The following C1QL1 variants were observed in gnomAD, a reference collection of about 807,000 sequenced individuals.
The protein encoded by C1QL1 is C1q-related factor.
Under a neutral mutation model 14.2 loss-of-function variants are expected in C1QL1, and 15 were observed. That is an observed-to-expected ratio of 1.06 (90% CI 0.71 to 1.62). The LOEUF (loss-of-function observed/expected upper bound fraction) is 1.62, where lower values mean the gene tolerates loss of function less well. C1QL1 is among the 40% of genes most tolerant of loss of function. The probability of loss-of-function intolerance (pLI) is 0.00; values close to 1 mark genes in which losing one functional copy is unlikely to be tolerated. For synonymous variants in C1QL1, 172 were observed against 172.4 expected, an observed-to-expected ratio of 1.00 and a Z score of 0.02; for missense variants, 346 against 380.3, an observed-to-expected ratio of 0.91 and a Z score of 0.75.
In C1QL1 at chr17:44,960,198, T is replaced by A. The variant is rs1468595939; in HGVS notation, c.767A>T (p.Tyr256Phe). The change falls in exon 2 of 2, where the codon TAC becomes TTC. Residue 256 changes from tyrosine (Y) to phenylalanine (F), a missense_variant. By Grantham distance (22) the Tyr-to-Phe change is conservative (BLOSUM62 3). Coordinates refer to ENST00000253407, the MANE Select transcript of C1QL1 (RefSeq NM_006688.5). ...KYSTFSGFII[Y>F]SD ...GGAGACGTGGGGAGCTCAGTCGGAG[T>A]AGATGATGAAGCCAGAGAACGTGCT... The A allele has an allele frequency of 1.9e-6, 3 of 1,612,962 alleles. No individual in the cohort carries two copies. The African/African-American group carries it at 4.0e-5, about 22-fold the overall frequency.
At chr17:44,963,377 A>G (rs1004240327) in intron 1 of C1QL1, among the ~76,000 whole-genome samples, 3 of 151,770 alleles carry the variant, frequency 2.0e-5, no homozygotes, top group African/African-American at 7.3e-5. Context: ...CAGAAAGGAT[A>G]GCCAGGGGGC....
rs765941707 is a variant in C1QL1, at chr17:44,967,596, C to T, written c.453G>A (p.Val151=). The stretch of plus-strand genomic sequence containing the variant: ...CGTAGTTGTTGCCTAGGTTGGTGAC[C>T]ACGTCGTCAAACTTGAGTACCTCGT... ...EGYEVLKFDD[V]VTNLGNNYDA... is the part of the protein sequence containing the mutation. Residue 151 remains valine, a synonymous_variant, in exon 1 of 2, where the codon GTG becomes GTA. Coordinates refer to ENST00000253407, the MANE Select transcript of C1QL1 (RefSeq NM_006688.5). This position sits in a 1 kb window ranked among gnomAD's most constrained non-coding sequence, Gnocchi z 7.0. 4 of 1,614,094 alleles carry T rather than the reference C, an allele frequency of 2.5e-6. No homozygotes were observed. In the South Asian group the frequency reaches 3.3e-5, roughly 13 times the overall value.
chr17:44,962,827 C>T (rs909149023), intron 1 of C1QL1, among the ~76,000 whole-genome samples: 7 of 152,204 alleles, frequency 4.6e-5, no homozygotes, highest in Non-Finnish European at 8.8e-5. Flanking sequence ...TCAGGAATCT[C>T]CTGGTGATGT....
In C1QL1 at chr17:44,959,959, G is replaced by T. The variant is rs2052617800; in HGVS notation, c.*229C>A. The stretch of plus-strand genomic sequence containing the variant: ...TATATAGCGCGGGCTGGGCGGGGGC[G>T]GTCAACCCCGGTTCCCTGGCACGGG... On this transcript the variant is annotated 3_prime_UTR_variant, in exon 2 of 2. Transcript: ENST00000253407. The T allele has an allele frequency of 3.7e-6, 2 of 545,850 alleles. No homozygotes were observed. Among genetic ancestry groups the T allele is most frequent in the Non-Finnish European group, 6.5e-6 (2 of 308,990 alleles). The allele number at this position is 545,850 out of a possible 1,614,324, so 33.8% of individuals were successfully genotyped here.
chr17:44,968,006 A>G lies in C1QL1; in HGVS notation c.43T>C (p.Ser15Pro), dbSNP rs751146602. ...TCATAGTGGCCTTCCGGGCCGCCCG[A>G]GCTCACCAGCACGGGGATGAGCACC... ...LVVLIPVLVS[S>P]GGPEGHYEML... Residue 15 changes from serine (S) to proline (P), a missense_variant, in exon 1 of 2, where the codon TCG becomes CCG. Physicochemically the swap from Ser to Pro is moderately conservative, Grantham distance 74. Coordinates refer to ENST00000253407, the MANE Select transcript of C1QL1 (RefSeq NM_006688.5). 42 of 1,388,330 alleles carry G rather than the reference A, an allele frequency of 3.0e-5. No individual in the cohort carries two copies. The East Asian group carries it at 1.2e-3, about 40-fold the overall frequency. 86.0% of individuals were successfully genotyped at this position (1,388,330 alleles called of 1,614,324 possible).
rs1203878860 is a variant in C1QL1 at position 44,967,867 on chromosome 17, G to A, written c.182C>T (p.Pro61Leu). The A allele has an allele frequency of 7.6e-7, 1 of 1,315,770 alleles. No individual in the cohort carries two copies. Among genetic ancestry groups the A allele is most frequent in the South Asian group, 2.3e-5 (1 of 43,292 alleles). 81.5% of individuals were successfully genotyped at this position (1,315,770 alleles called of 1,614,324 possible). The change falls in exon 1 of 2, where the codon CCT becomes CTT. Residue 61 changes from proline (P) to leucine (L), a missense_variant. Pro to Leu is a moderately conservative substitution (Grantham distance 98, BLOSUM62 -3). Transcript: ENST00000253407. This position sits in a 1 kb window ranked among gnomAD's most constrained non-coding sequence, Gnocchi z 7.0. ...ALSEQSGAPP[P>L]STLVQGPQGK... ...CTGGGGGCCCTGCACCAGCGTGGAA[G>A]GCGGGGGCGCGCCGCTCTGCTCGCT...
At chr17:44,963,583 C>T (rs372491263) in intron 1 of C1QL1, among the ~76,000 whole-genome samples, 5 of 152,066 alleles carry the variant, frequency 3.3e-5, no homozygotes. Flanking sequence ...CCACCACACC[C>T]GGCTATGTTT....
At chr17:44,964,934 G>A (rs1014635094) in intron 1 of C1QL1, among the ~76,000 whole-genome samples, 11 of 151,868 alleles carry the variant, frequency 7.2e-5, no homozygotes, top group African/African-American at 2.7e-4. Context: ...TCTGCCTCCT[G>A]GGTTCAAGTT....
At position 44,967,883 on chromosome 17, in the gene C1QL1, T is replaced by G. The variant is rs2052666824; in HGVS notation, c.166A>C (p.Ser56Arg). The change falls in exon 1 of 2, where the codon AGC becomes CGC. Residue 56 changes from serine to arginine, a missense_variant. Transcript: ENST00000253407. The surrounding 1 kb of genome is among the most constrained non-coding windows in gnomAD (Gnocchi z 7.0). ...TDGGDALSEQ[S>R]GAPPPSTLVQ... ...AGCGTGGAAGGCGGGGGCGCGCCGC[T>G]CTGCTCGCTCAGGGCGTCGCCGCCG... is the stretch of plus-strand genomic sequence containing the variant. 1.1e-5 allele frequency: 14 copies of G among 1,272,438 alleles called. No homozygotes were observed. The South Asian group carries it at 4.2e-4, about 38-fold the overall frequency. The allele number at this position is 1,272,438 out of a possible 1,614,324, so 78.8% of individuals were successfully genotyped here.
At position 44,968,110 on chromosome 17, in the gene C1QL1, G is replaced by C; in HGVS notation, c.-62C>G. On this transcript the variant is annotated 5_prime_UTR_variant, in exon 1 of 2. Transcript: ENST00000253407. ...GCCCGCGCGGAGCCTGGGGAGCGCCGGGCCGCCCGGCCGCGCCGTCGGGGC... is the reference window on the plus strand; with the variant it reads ...GCCCGCGCGGAGCCTGGGGAGCGCCCGGCCGCCCGGCCGCGCCGTCGGGGC... The C allele has an allele frequency of 1.8e-6, 2 of 1,098,000 alleles. No individual in the cohort carries two copies. The highest frequency in any genetic ancestry group is 2.3e-6 in the Non-Finnish European group (2 of 879,970). The allele number at this position is 1,098,000 out of a possible 1,614,324, so 68.0% of individuals were successfully genotyped here.
At position 44,966,916 on chromosome 17, in the gene C1QL1, G is replaced by A. The variant is rs577170294; in HGVS notation, c.597+536C>T. ...ATTCGCCCAATGGTCCCTTCTCCAG[G>A]GCAGGGGAGGCACTGCAGCCAGGGC... On this transcript the variant is annotated intron_variant, in intron 1 of 1. Transcript: ENST00000253407. Among the ~76,000 whole-genome samples the A allele has an allele frequency of 1.2e-4, 19 of 152,302 alleles. 1 individual carries two copies. Among genetic ancestry groups the A allele is most frequent in the Admixed American group, 1.1e-3 (17 of 15,304 alleles).
At chr17:44,961,421 C>T (rs993949282) in intron 1 of C1QL1, among the ~76,000 whole-genome samples, 17 of 151,816 alleles carry the variant, frequency 1.1e-4, no homozygotes, top group African/African-American at 4.1e-4. Context: ...GGTGAGACCC[C>T]CATCTCTACT....
At position 44,967,363 on chromosome 17, in the gene C1QL1, C is replaced by T. The variant is rs1215831898; in HGVS notation, c.597+89G>A. 1.5e-6 allele frequency: 2 copies of T among 1,368,326 alleles called. No homozygotes were observed. The highest frequency in any genetic ancestry group is 1.5e-5 in the African/African-American group (1 of 68,602). The allele number at this position is 1,368,326 out of a possible 1,614,324, so 84.8% of individuals were successfully genotyped here. A position where few individuals can be genotyped will look rare whatever the true frequency, so the allele number is the denominator to read the frequency against. On this transcript the variant is annotated intron_variant, in intron 1 of 1. Coordinates refer to ENST00000253407, the MANE Select transcript of C1QL1 (RefSeq NM_006688.5). The surrounding 1 kb of genome is among the most constrained non-coding windows in gnomAD (Gnocchi z 7.0). ...GATCTCCACCTGCGTCCGCCTGGCG[C>T]CCCCGCCAACTCCGATCAGGTACCC...
chr17:44,963,694 G>A, intron 1 of C1QL1, among the ~76,000 whole-genome samples: 1 of 152,148 alleles, frequency 6.6e-6, no homozygotes, highest in African/African-American at 2.4e-5. Flanking sequence ...CCAAAGTGCT[G>A]GGATTACAGG....
intron 1 of C1QL1, among the ~76,000 whole-genome samples, chr17:44,961,803 G>A (rs560082940): frequency 2.3e-4 from 34 of 150,248 alleles, no homozygotes; most frequent in Non-Finnish European, 3.7e-4. Flanking sequence ...GGAGAATGGC[G>A]TGAACCCGGG....
At chr17:44,965,406 C>T (rs758296534) in intron 1 of C1QL1, among the ~76,000 whole-genome samples, 4 of 152,174 alleles carry the variant, frequency 2.6e-5, no homozygotes, top group Non-Finnish European at 5.9e-5. Flanking sequence ...CCTCAGCCTC[C>T]CAAAGTGCTG....
Position 44,967,764 on chromosome 17 carries a change from C to T in C1QL1, c.285G>A (p.Pro95=). The T allele has an allele frequency of 6.4e-7, 1 of 1,561,790 alleles. No homozygotes were observed. The change falls in exon 1 of 2, where the codon CCG becomes CCA. Residue 95 remains proline (P), a synonymous_variant. Transcript: ENST00000253407. This position sits in a 1 kb window ranked among gnomAD's most constrained non-coding sequence, Gnocchi z 7.0. The part of the protein sequence containing the change: ...GDPGPPGPVG[P]PGEKGEPGKP... ...TGCCTGGCTCACCCTTCTCCCCCGG[C>T]GGCCCCACAGGGCCGGGAGGACCTG...
chr17:44,960,615 A>T (rs1464014911), intron 1 of C1QL1, among the ~76,000 whole-genome samples: 1 of 152,162 alleles, frequency 6.6e-6, no homozygotes, highest in African/African-American at 2.4e-5. Context: ...GAGTCAAGGC[A>T]GAGTCTTCCT....
In C1QL1 at chr17:44,967,183, C is replaced by CTAGT. The variant is rs931017241; in HGVS notation, c.597+265_597+268dup. On this transcript the variant is annotated intron_variant, in intron 1 of 1. Transcript: ENST00000253407. The surrounding 1 kb of genome is among the most constrained non-coding windows in gnomAD (Gnocchi z 7.0). The stretch of plus-strand genomic sequence containing the variant: ...TGCACCTGGGAGCCCTGCGCTCTGA[C>CTAGT]TAGTTGGGTTCATTTCCCGCATTTC... 6.6e-6 allele frequency among the ~76,000 whole-genome samples: 1 copy of CTAGT among 152,258 alleles called. No homozygotes were observed. Among genetic ancestry groups the CTAGT allele is most frequent in the Non-Finnish European group, 1.5e-5 (1 of 68,050 alleles).
Sources: allele counts gnomAD v4.1 joint callset (sites outside exome capture counted in the v4.1 genomes callset), GRCh38; gene constraint gnomAD v4.1.1; non-coding constraint Gnocchi (gnomAD v3.1); transcripts MANE v1.5; gene names NCBI Gene and HGNC (gene_info 2026-07-23, HGNC 2026-07-21).